The following UNC79 variants were observed in gnomAD, a reference collection of about 807,000 sequenced individuals.
UNC79 encodes protein unc-79 homolog.
A neutral mutation model predicts 283.1 loss-of-function variants in UNC79; 37 were observed. The observed-to-expected ratio is 0.13, with a 90% CI of 0.10 to 0.17. The LOEUF (loss-of-function observed/expected upper bound fraction) is 0.17. UNC79 is among the 10% of genes least tolerant of loss of function. The pLI, the probability that UNC79 is intolerant of heterozygous loss-of-function variation, is 1.00. For synonymous variants in UNC79, 1,107 were observed against 1,200.2 expected (o/e 0.92, Z 1.61); for missense variants, 2,272 against 3,211.1 (o/e 0.71, Z 7.07).
intron 22 of UNC79, 64 bp downstream of exon 22, chr14:93,586,972 G>A (rs1048405464): frequency 4.5e-6 from 7 of 1,570,092 alleles, no homozygotes; most frequent in African/African-American, 1.4e-5. Flanking sequence ...GAAAATTAAA[G>A]TTAGATTAAG....
Position 93,621,741 on chromosome 14 carries a change from A to G in UNC79, c.4508A>G (p.Asp1503Gly). ...CGCTCTTTCAAACAAAAATCTCTTG[A>G]TATAGGGAATGCAGACTCGCTTTTG... Residue 1503 changes from aspartate to glycine, a missense_variant, in exon 30 of 49, where the codon GAT becomes GGT. Physicochemically the swap from Asp to Gly is moderately conservative, Grantham distance 94. Transcript: ENST00000555664. The surrounding 1 kb of genome is among the most constrained non-coding windows in gnomAD (Gnocchi z 4.8). 6.2e-7 allele frequency: 1 copy of G among 1,614,158 alleles called. No individual in the cohort carries two copies.
intron 7 of UNC79, among the ~76,000 whole-genome samples, chr14:93,520,049 G>A (rs1191090670): frequency 6.6e-6 from 1 of 151,682 alleles, no homozygotes; most frequent in African/African-American, 2.4e-5. Flanking sequence ...TTTTCCTTTA[G>A]CCCGAAAAAC....
intron 38 of UNC79, among the ~76,000 whole-genome samples, chr14:93,657,917 G>A (rs963610215): frequency 2.6e-5 from 4 of 152,114 alleles, no homozygotes; most frequent in African/African-American, 4.8e-5. Context: ...CTGTGGGAGC[G>A]CAGGCTTCTG....
chr14:93,333,248 T>G (rs1418751094), exon 1 of UNC79: 2 of 402,138 alleles, frequency 5.0e-6, no homozygotes, highest in Admixed American at 4.4e-5. Flanking sequence ...GAGCCGGGCG[T>G]CGGGTCGCTG....
At chr14:93,638,432 G>C (rs184557853) in intron 32 of UNC79, among the ~76,000 whole-genome samples, 4 of 152,300 alleles carry the variant, frequency 2.6e-5, no homozygotes, top group Non-Finnish European at 4.4e-5. Context: ...CAGCAAAAGT[G>C]GAATGAAGTG....
intron 1 of UNC79, among the ~76,000 whole-genome samples, chr14:93,342,401 C>T (rs996954094): frequency 1.3e-5 from 2 of 152,214 alleles, no homozygotes; most frequent in African/African-American, 4.8e-5. Flanking sequence ...TGTCTTGAGG[C>T]TGCACAGAGA....
intron 7 of UNC79, 103 bp from the exon 8 acceptor site, chr14:93,523,875 T>A: frequency 2.5e-6 from 3 of 1,211,680 alleles, no homozygotes; most frequent in Non-Finnish European, 3.5e-6. Context: ...AGCTTTCTGA[T>A]GATGGTTCTG....
intron 5 of UNC79, among the ~76,000 whole-genome samples, chr14:93,493,034 T>G (rs1262944997): frequency 6.6e-6 from 1 of 152,212 alleles, no homozygotes; most frequent in African/African-American, 2.4e-5. Flanking sequence ...AAATCAAGTG[T>G]AAAATTTTGC....
intron 11 of UNC79, among the ~76,000 whole-genome samples, chr14:93,535,730 A>G (rs1308436514): frequency 6.6e-6 from 1 of 152,184 alleles, no homozygotes; most frequent in Non-Finnish European, 1.5e-5. Flanking sequence ...TGGCTGTCTC[A>G]TGGCATCCTG....
intron 34 of UNC79, among the ~76,000 whole-genome samples, chr14:93,644,961 T>C (rs1404115895): frequency 6.6e-6 from 1 of 152,172 alleles, no homozygotes; most frequent in African/African-American, 2.4e-5. Flanking sequence ...TATGGAGAGA[T>C]AAGAGAAGAT....
At chr14:93,640,873 C>T (rs775975448) in intron 32 of UNC79, among the ~76,000 whole-genome samples, 7 of 152,088 alleles carry the variant, frequency 4.6e-5, no homozygotes, top group Non-Finnish European at 8.8e-5. Context: ...GTCTTTGGAC[C>T]CTGCTGGCAC....
At position 93,350,270 on chromosome 14, in the gene UNC79, T is replaced by C. The variant is rs148500845; in HGVS notation, c.-351+16747T>C. Among the ~76,000 whole-genome samples the C allele has an allele frequency of 7.6e-3, 1,152 of 152,132 alleles. 9 individuals are homozygous for C. Among genetic ancestry groups the C allele is most frequent in the South Asian group, 0.014 (68 of 4,820 alleles). On this transcript the variant is annotated intron_variant, in intron 1 of 49. Coordinates refer to the UNC79 transcript ENST00000256339. ...ATAATTTTGTATAATTTAGAAGTTA[T>C]TCAAAAGTTAAAAAAGGTAAAAAGA...
At chr14:93,396,436 G>A (rs1481558850) in intron 1 of UNC79, among the ~76,000 whole-genome samples, 3 of 151,904 alleles carry the variant, frequency 2.0e-5, no homozygotes, top group African/African-American at 7.3e-5. Flanking sequence ...GTCAGTTTCT[G>A]TTGATTGCTT....
chr14:93,671,546 G>A (rs892809783), intron 40 of UNC79, among the ~76,000 whole-genome samples: 1 of 152,136 alleles, frequency 6.6e-6, no homozygotes, highest in African/African-American at 2.4e-5. Flanking sequence ...GCCGAGGCAG[G>A]TGGATCACCT....
In UNC79 at chr14:93,531,845, T is replaced by C. The variant is rs899625049; in HGVS notation, c.1094-705T>C. ...GATAGCTTGTGTGACCTTGAAGAAT[T>C]TACCTAACCACAGTGGTTCTCAGTT... On this transcript the variant is annotated intron_variant, in intron 10 of 48. Coordinates refer to ENST00000555664, the Ensembl canonical transcript of UNC79. This position sits in a 1 kb window ranked among gnomAD's most constrained non-coding sequence, Gnocchi z 4.2. 2.0e-5 allele frequency among the ~76,000 whole-genome samples: 3 copies of C among 152,326 alleles called. No individual in the cohort carries two copies. The Middle Eastern group carries it at 0.01, about 518-fold the overall frequency.
At chr14:93,442,583 A>T (rs906441511) in intron 1 of UNC79, among the ~76,000 whole-genome samples, 2 of 152,236 alleles carry the variant, frequency 1.3e-5, no homozygotes, top group Admixed American at 6.5e-5. Flanking sequence ...AATTCAACTT[A>T]TTCATTATAA....
chr14:93,704,827 G>T (rs2075761669), intron 48 of UNC79, among the ~76,000 whole-genome samples, 161 bp downstream of exon 51: 1 of 152,156 alleles, frequency 6.6e-6, no homozygotes, highest in Non-Finnish European at 1.5e-5. Flanking sequence ...GCCAGGTAAG[G>T]GCTCTGCAGG....
At chr14:93,368,302 C>T (rs989944579) in intron 1 of UNC79, among the ~76,000 whole-genome samples, 2 of 152,066 alleles carry the variant, frequency 1.3e-5, no homozygotes, top group African/African-American at 2.4e-5. Context: ...TTAGAATGTT[C>T]AGATTTTTAA....
At chr14:93,371,874 A>G (rs2054459062) in intron 1 of UNC79, among the ~76,000 whole-genome samples, 1 of 152,170 alleles carries the variant, frequency 6.6e-6, no homozygotes, top group Non-Finnish European at 1.5e-5. Context: ...CTGACTTCTC[A>G]GAAACCGTGC....
Sources: gnomAD v4.1 joint callset for allele counts (sites outside exome capture counted in the v4.1 genomes callset) on GRCh38, gnomAD v4.1.1 for gene constraint, Gnocchi (gnomAD v3.1) non-coding constraint, MANE v1.5 for transcripts, NCBI Gene and HGNC (gene_info 2026-07-23, HGNC 2026-07-21) for gene names.